G3BP2: variants seen among roughly 807,000 people sequenced by gnomAD.
G3BP2 encodes G3BP stress granule assembly factor 2.
In G3BP2, 11 loss-of-function variants were observed where a neutral mutation model predicts 56.7. That is an observed-to-expected ratio of 0.19 (90% CI 0.12 to 0.32). The LOEUF is 0.32. Ranked by LOEUF, G3BP2 falls within the 10% of genes least tolerant of loss-of-function variation. G3BP2 has a pLI of 1.00. For missense variants in G3BP2, 340 were observed against 610.9 expected (o/e 0.56, Z 4.67); for synonymous variants, 165 against 191.6 (o/e 0.86, Z 1.15).
chr4:75,676,299 T>C (rs1236579493), upstream of G3BP2, among the ~76,000 whole-genome samples: 1 of 152,138 alleles, frequency 6.6e-6, no homozygotes, highest in African/African-American at 2.4e-5. Flanking sequence ...AAAACCTCTT[T>C]TTCTCACACC....
chr4:75,645,283 CAATTT>C lies in G3BP2; in HGVS notation c.*142_*146del. 1.5e-6 allele frequency: 1 copy of C among 673,934 alleles called. No individual in the cohort carries two copies. The highest frequency in any genetic ancestry group is 2.5e-6 in the Non-Finnish European group (1 of 403,784). The allele number at this position is 673,934 out of a possible 1,614,324, so 41.7% of individuals were successfully genotyped here. A position where few individuals can be genotyped will look rare whatever the true frequency, so the allele number is the denominator to read the frequency against. On this transcript the variant is annotated 3_prime_UTR_variant, in exon 12 of 12. Transcript: ENST00000359707. The stretch of plus-strand genomic sequence containing the variant: ...GAAATTGGGGAAATAATGTCCACCT[CAATTT>C]AACTGATAACCAAAGATGCTTTTCA...
intron 2 of G3BP2, among the ~76,000 whole-genome samples, chr4:75,660,323 A>T (rs933235183): frequency 6.6e-6 from 1 of 152,200 alleles, no homozygotes; most frequent in Non-Finnish European, 1.5e-5. Context: ...TTAGAGAATG[A>T]CATGCAGTTA....
intron 3 of G3BP2, among the ~76,000 whole-genome samples, chr4:75,694,233 T>A (rs1319855541): frequency 6.6e-6 from 1 of 152,142 alleles, no homozygotes; most frequent in East Asian, 1.9e-4. Flanking sequence ...CATTGATAAG[T>A]TTGGACTGTG....
At chr4:75,719,526 A>C (rs898040993) in intron 3 of G3BP2, among the ~76,000 whole-genome samples, 1 of 152,128 alleles carries the variant, frequency 6.6e-6, no homozygotes, top group Admixed American at 6.6e-5. Flanking sequence ...TTTAAAAAAA[A>C]GTAAAGCAGG....
At chr4:75,710,209 T>C (rs1371838198) in intron 3 of G3BP2, among the ~76,000 whole-genome samples, 2 of 152,154 alleles carry the variant, frequency 1.3e-5, no homozygotes. Context: ...GCAATCCTCC[T>C]GCCTTGACCT....
chr4:75,671,392 A>C (rs900524378), intron 1 of G3BP2, among the ~76,000 whole-genome samples: 2 of 152,246 alleles, frequency 1.3e-5, no homozygotes, highest in Non-Finnish European at 2.9e-5. Context: ...AGTTTTCAGA[A>C]TCTAAAGACA....
intron 3 of G3BP2, among the ~76,000 whole-genome samples, chr4:75,701,827 TG>T (rs1268097432): frequency 6.6e-6 from 1 of 152,174 alleles, no homozygotes; most frequent in African/African-American, 2.4e-5. Flanking sequence ...TTCTACCCAC[TG>T]GAATACTCTA....
intron 3 of G3BP2, among the ~76,000 whole-genome samples, chr4:75,704,210 G>T (rs1719455191): frequency 6.6e-6 from 1 of 151,330 alleles, no homozygotes; most frequent in South Asian, 2.1e-4. Context: ...GTAGAGATGG[G>T]GTTTCACCAT....
At position 75,642,855 on chromosome 4, in the gene G3BP2, T is replaced by C. The variant is rs1369788873; in HGVS notation, c.*2575A>G. The C allele has an allele frequency of 6.6e-6, 1 of 152,598 alleles. No homozygotes were observed. The highest frequency in any genetic ancestry group is 1.5e-5 in the Non-Finnish European group (1 of 68,010). The allele number at this position is 152,598 out of a possible 1,614,324, so 9.5% of individuals were successfully genotyped here. Reference sequence around the variant, plus strand: ...TTCAATATGGAAACTCAAAGAATACTTTCCACCTGAAACAATTAAACTAGA... The same window carrying C: ...TTCAATATGGAAACTCAAAGAATACCTTCCACCTGAAACAATTAAACTAGA... On this transcript the variant is annotated 3_prime_UTR_variant, in exon 12 of 12. Transcript: ENST00000359707.
At chr4:75,671,923 T>C (rs1002753083) in intron 1 of G3BP2, among the ~76,000 whole-genome samples, 17 of 152,198 alleles carry the variant, frequency 1.1e-4, no homozygotes, top group Non-Finnish European at 2.2e-4. Context: ...CTATATTAAC[T>C]GCCAAATATG....
At chr4:75,715,553 A>T (rs1719898436) in intron 3 of G3BP2, among the ~76,000 whole-genome samples, 1 of 152,208 alleles carries the variant, frequency 6.6e-6, no homozygotes, top group African/African-American at 2.4e-5. Flanking sequence ...GTGTTAGACC[A>T]CAAGAAGGAC....
intron 1 of G3BP2, among the ~76,000 whole-genome samples, chr4:75,669,859 G>A (rs1733346066): frequency 6.6e-6 from 1 of 152,150 alleles, no homozygotes. Context: ...TCGGGAGGCC[G>A]AGATGGGTGG....
rs1057477385 is a variant in G3BP2 at position 75,643,052 on chromosome 4, AT to A, written c.*2377del. 2.0e-5 allele frequency: 3 copies of A among 152,490 alleles called. No homozygotes were observed. Among genetic ancestry groups the A allele is most frequent in the African/African-American group, 7.2e-5 (3 of 41,414 alleles). The allele number at this position is 152,490 out of a possible 1,614,324, so 9.4% of individuals were successfully genotyped here. Reference sequence around the variant, plus strand: ...AATCAGCAAATAACAGTAATGGTAGATGAATATTTTTACTCTGTTTCACTGA... The same window carrying A: ...AATCAGCAAATAACAGTAATGGTAGAGAATATTTTTACTCTGTTTCACTGA... On this transcript the variant is annotated 3_prime_UTR_variant, in exon 12 of 12. Coordinates refer to ENST00000359707, the MANE Select transcript of G3BP2 (RefSeq NM_203505.3).
At chr4:75,694,972 A>C (rs1719043159) in intron 3 of G3BP2, 1 of 980,788 alleles carries the variant, frequency 1.0e-6, no homozygotes, top group Middle Eastern at 5.3e-4. Flanking sequence ...GAGAAGAGGT[A>C]ATCGTCAAGA....
intron 3 of G3BP2, among the ~76,000 whole-genome samples, chr4:75,706,063 A>T (rs142306134): frequency 1.3e-5 from 2 of 152,280 alleles, no homozygotes; most frequent in Non-Finnish European, 2.9e-5. Context: ...GAAAGGAGTG[A>T]CACTATGAGG....
intron 10 of G3BP2, 29 bp downstream of exon 10, chr4:75,647,000 A>C: frequency 6.9e-7 from 1 of 1,441,636 alleles, no homozygotes; most frequent in Non-Finnish European, 9.5e-7. Flanking sequence ...AATAATTTAA[A>C]AACTCCAACA....
intron 2 of G3BP2, chr4:75,661,620 T>C (rs1732568841): frequency 1.6e-5 from 3 of 186,202 alleles, no homozygotes; most frequent in Admixed American, 6.1e-5. Flanking sequence ...ATCATATCAC[T>C]GCACTCCACC....
chr4:75,709,312 C>G (rs1288879645), intron 3 of G3BP2, among the ~76,000 whole-genome samples: 1 of 145,254 alleles, frequency 6.9e-6, no homozygotes, highest in Non-Finnish European at 1.5e-5. Flanking sequence ...CTCAGCTACT[C>G]AGGAGGCTGA....
intron 5 of G3BP2, 112 bp from the exon 6 acceptor site, chr4:75,655,982 A>C: frequency 3.2e-6 from 2 of 620,828 alleles, no homozygotes; most frequent in Non-Finnish European, 5.7e-6. Context: ...AAAATTTGAC[A>C]ATTTTCTTTC....
Sources: gnomAD v4.1 joint callset for allele counts (sites outside exome capture counted in the v4.1 genomes callset) on GRCh38, gnomAD v4.1.1 for gene constraint, MANE v1.5 for transcripts, NCBI Gene and HGNC (gene_info 2026-07-23, HGNC 2026-07-21) for gene names.